Variants in NR1H4 observed in about 807,000 individuals in gnomAD.
The protein encoded by NR1H4 is bile acid receptor.
In NR1H4, 23 loss-of-function variants were observed where a neutral mutation model predicts 58.5. That is an observed-to-expected ratio of 0.39 (90% CI 0.28 to 0.56). The LOEUF (loss-of-function observed/expected upper bound fraction) is 0.56, where lower values mean the gene tolerates loss of function less well. Among genes scored for constraint, NR1H4 ranks in the 20% least tolerant of loss-of-function variants. The pLI, the probability that NR1H4 is intolerant of heterozygous loss-of-function variation, is 0.58. For synonymous variants in NR1H4, 214 were observed against 198.0 expected (o/e 1.08, Z -0.68); for missense variants, 487 against 576.9 (o/e 0.84, Z 1.60).
intron 3 of NR1H4, among the ~76,000 whole-genome samples, chr12:100,508,437 G>C (rs919642390): frequency 6.6e-6 from 1 of 152,100 alleles, no homozygotes; most frequent in South Asian, 2.1e-4. Flanking sequence ...GATGCAGAGA[G>C]GGGCTTTGAA....
Position 100,503,272 on chromosome 12 carries a change from C to T in NR1H4, c.80-7506C>T, listed in dbSNP as rs1364728469. 20 of 1,332,422 alleles carry T rather than the reference C, an allele frequency of 1.5e-5. No homozygotes were observed. In the Admixed American group the frequency reaches 2.1e-4, roughly 14 times the overall value. 82.5% of individuals were successfully genotyped at this position (1,332,422 alleles called of 1,614,324 possible). On this transcript the variant is annotated intron_variant, in intron 3 of 10. Coordinates refer to ENST00000392986, the MANE Select transcript of NR1H4 (RefSeq NM_001206979.2). ...GCAATTTGGCATTAAGAACTTTCCTCATAAACATTTACAAATATTCTGCTC... is the reference window on the plus strand; with the variant it reads ...GCAATTTGGCATTAAGAACTTTCCTTATAAACATTTACAAATATTCTGCTC...
intron 3 of NR1H4, among the ~76,000 whole-genome samples, chr12:100,499,009 C>T (rs151301248): frequency 2.0e-5 from 3 of 152,270 alleles, no homozygotes; most frequent in Admixed American, 1.3e-4. Flanking sequence ...GAGCTCACTG[C>T]AGCCTTGAAC....
At chr12:100,490,141 A>T (rs986957083) in intron 1 of NR1H4, among the ~76,000 whole-genome samples, 2 of 152,346 alleles carry the variant, frequency 1.3e-5, no homozygotes, top group African/African-American at 4.8e-5. Context: ...AAAACAATAA[A>T]TGCAGATAAT....
chr12:100,519,553 G>A (rs1954359465), intron 4 of NR1H4, among the ~76,000 whole-genome samples: 1 of 152,130 alleles, frequency 6.6e-6, no homozygotes. Context: ...CAGGTGGGTG[G>A]GTTCTGATGT....
At chr12:100,503,336 C>G in intron 3 of NR1H4, 2 of 1,568,144 alleles carry the variant, frequency 1.3e-6, no homozygotes, top group Non-Finnish European at 1.7e-6. Context: ...AACCTCTGTC[C>G]TCTCTCACTC....
chr12:100,521,802 G>A (rs1344775511), intron 4 of NR1H4, among the ~76,000 whole-genome samples: 1 of 152,136 alleles, frequency 6.6e-6, no homozygotes, highest in African/African-American at 2.4e-5. Context: ...TAAACTTATT[G>A]ACATCCTATT....
At chr12:100,480,005 T>A (rs1329500200) in intron 1 of NR1H4, among the ~76,000 whole-genome samples, 1 of 152,258 alleles carries the variant, frequency 6.6e-6, no homozygotes, top group Non-Finnish European at 1.5e-5. Flanking sequence ...ACTTTCTTAT[T>A]ATCCTCATCA....
At chr12:100,487,473 C>T (rs1362988604) in intron 1 of NR1H4, among the ~76,000 whole-genome samples, 2 of 152,020 alleles carry the variant, frequency 1.3e-5, no homozygotes, top group African/African-American at 4.8e-5. Context: ...ATCCTGCATC[C>T]ACCCTATCCC....
At position 100,547,349 on chromosome 12, in the gene NR1H4, T is replaced by A. The variant is rs373443416; in HGVS notation, c.1078+6531T>A. Among the ~76,000 whole-genome samples, 12 of 152,264 alleles carry A rather than the reference T, an allele frequency of 7.9e-5. No individual in the cohort carries two copies. The East Asian group carries it at 1.2e-3, about 15-fold the overall frequency. On this transcript the variant is annotated intron_variant, in intron 9 of 10. Coordinates refer to ENST00000392986, the MANE Select transcript of NR1H4 (RefSeq NM_001206979.2). Reference sequence around the variant, plus strand: ...ATGCACACAGAGCTCCCCAGGGTTTTCTGAGAGTTGACTTCATCCACATGA... The same window carrying A: ...ATGCACACAGAGCTCCCCAGGGTTTACTGAGAGTTGACTTCATCCACATGA...
intron 3 of NR1H4, among the ~76,000 whole-genome samples, chr12:100,504,868 T>C (rs1953921386): frequency 6.6e-6 from 1 of 152,204 alleles, no homozygotes; most frequent in Non-Finnish European, 1.5e-5. Context: ...AATGATTGTA[T>C]GTGCTTCCAA....
At chr12:100,553,880 T>C (rs562429197) in intron 9 of NR1H4, among the ~76,000 whole-genome samples, 10 of 152,328 alleles carry the variant, frequency 6.6e-5, no homozygotes, top group African/African-American at 2.4e-4. Flanking sequence ...TGGAAATCTT[T>C]CTTAGGAACT....
At chr12:100,543,264 A>G (rs1312346548) in intron 9 of NR1H4, among the ~76,000 whole-genome samples, 1 of 152,148 alleles carries the variant, frequency 6.6e-6, no homozygotes, top group African/African-American at 2.4e-5. Flanking sequence ...CAGATGATTG[A>G]GGGCCTTGGA....
chr12:100,495,441 A>T (rs1158982951), intron 3 of NR1H4, among the ~76,000 whole-genome samples: 23 of 152,078 alleles, frequency 1.5e-4, no homozygotes, highest in Non-Finnish European at 1.5e-5. Flanking sequence ...CACTTAACAC[A>T]TCTGAGCTAG....
intron 8 of NR1H4, among the ~76,000 whole-genome samples, chr12:100,540,013 G>A (rs1254690266): frequency 6.6e-6 from 1 of 152,208 alleles, no homozygotes. Flanking sequence ...GGAACACAAA[G>A]AGTAGAGGGA....
chr12:100,535,116 C>CAGGCACAGCTGAATTTCT (rs1954785929), intron 6 of NR1H4, 93 bp downstream of exon 6: 2 of 1,385,644 alleles, frequency 1.4e-6, no homozygotes, highest in East Asian at 4.6e-5. Flanking sequence ...ATTAAAGCCA[C>CAGGCACAGCTGAATTTCT]AGGCACAGCT....
intron 9 of NR1H4, among the ~76,000 whole-genome samples, chr12:100,554,337 A>G (rs1006022665): frequency 6.6e-6 from 1 of 152,090 alleles, no homozygotes; most frequent in South Asian, 2.1e-4. Flanking sequence ...TAAGTCATAT[A>G]GAGGTATTTA....
At chr12:100,520,321 C>A (rs1343825536) in intron 4 of NR1H4, among the ~76,000 whole-genome samples, 1 of 152,010 alleles carries the variant, frequency 6.6e-6, no homozygotes, top group Non-Finnish European at 1.5e-5. Context: ...GGTTAGAGTT[C>A]AGCAAAATAA....
At chr12:100,484,701 CACA>C (rs1953453480) in intron 1 of NR1H4, among the ~76,000 whole-genome samples, 2 of 152,276 alleles carry the variant, frequency 1.3e-5, no homozygotes, top group Non-Finnish European at 2.9e-5. Flanking sequence ...CTGGTCACCA[CACA>C]ACAACTTCCT....
rs35404680 is a variant in NR1H4 at position 100,545,641 on chromosome 12, C to CAAAAAAAAA, written c.1078+4843_1078+4851dup. Among the ~76,000 whole-genome samples, 4 of 7,876 alleles carry CAAAAAAAAA rather than the reference C, an allele frequency of 5.1e-4. 1 individual carries two copies. Among genetic ancestry groups the CAAAAAAAAA allele is most frequent in the African/African-American group, 2.1e-3 (4 of 1,924 alleles). 5.2% of individuals were successfully genotyped at this position (7,876 alleles called of 152,430 possible). A position where few individuals can be genotyped will look rare whatever the true frequency, so the allele number is the denominator to read the frequency against. The stretch of plus-strand genomic sequence containing the variant: ...TGGGTGACAGAGTGAGACCTTGTCT[C>CAAAAAAAAA]AAAAAAAAAAAAAAAAAAAAAAAAA... On this transcript the variant is annotated intron_variant, in intron 9 of 10. Transcript: ENST00000392986.
Sources: allele counts gnomAD v4.1 joint callset (sites outside exome capture counted in the v4.1 genomes callset), GRCh38; gene constraint gnomAD v4.1.1; transcripts MANE v1.5; gene names NCBI Gene and HGNC (gene_info 2026-07-23, HGNC 2026-07-21).